PRKG1: variants seen among roughly 807,000 people sequenced by gnomAD.
PRKG1 encodes cGMP-dependent protein kinase 1.
In PRKG1, 35 loss-of-function variants were observed where a neutral mutation model predicts 88.1. That is an observed-to-expected ratio of 0.40 (90% CI 0.30 to 0.53). PRKG1 has a LOEUF of 0.53. PRKG1 is among the 20% of genes least tolerant of loss of function. The probability of loss-of-function intolerance (pLI) is 0.59; values close to 1 mark genes in which losing one functional copy is unlikely to be tolerated. For synonymous variants in PRKG1, 303 were observed against 292.5 expected (o/e 1.04, Z -0.37); for missense variants, 540 against 839.8 (o/e 0.64, Z 4.41).
chr10:51,141,394 G>C (rs1289303031), intron 1 of PRKG1, among the ~76,000 whole-genome samples: 1 of 152,002 alleles, frequency 6.6e-6, no homozygotes. Flanking sequence ...ACATTTTTAG[G>C]GGTGTTTTTC....
chr10:51,568,618 A>G (rs1029192594), intron 3 of PRKG1: 1 of 152,022 alleles, frequency 6.6e-6, no homozygotes, highest in African/African-American at 2.4e-5. Flanking sequence ...TATTTAAATA[A>G]CTTTATAGCA....
rs571039337 is a variant in PRKG1 at position 51,578,009 on chromosome 10, G to A, written c.592+110173G>A. Among the ~76,000 whole-genome samples the A allele has an allele frequency of 6.6e-5, 10 of 152,168 alleles. No individual in the cohort carries two copies. In the East Asian group the frequency reaches 1.9e-3, roughly 29 times the overall value. Reference sequence around the variant, plus strand: ...AATTAACAGATTTGTTGTTCGTTAGGATTCTCTAATCATGTTCATTTTCAG... The same window carrying A: ...AATTAACAGATTTGTTGTTCGTTAGAATTCTCTAATCATGTTCATTTTCAG... On this transcript the variant is annotated intron_variant, in intron 3 of 17. Transcript: ENST00000373980.
chr10:51,659,708 C>T (rs1424720139), intron 3 of PRKG1, among the ~76,000 whole-genome samples: 1 of 151,976 alleles, frequency 6.6e-6, no homozygotes, highest in African/African-American at 2.4e-5. Context: ...TTTGGAATGT[C>T]CTATTTATGG....
chr10:51,385,945 T>C (rs10822867), intron 2 of PRKG1, among the ~76,000 whole-genome samples: 16,144 of 152,240 alleles, frequency 0.11, 1,020 homozygotes, highest in Middle Eastern at 0.14. Flanking sequence ...TGAACTTTAA[T>C]AATCTCCAAA....
intron 5 of PRKG1, among the ~76,000 whole-genome samples, chr10:51,999,273 G>A (rs1297054997): frequency 1.3e-5 from 2 of 152,118 alleles, no homozygotes; most frequent in South Asian, 2.1e-4. Flanking sequence ...TACATTGTCC[G>A]GGACAGAACT....
chr10:51,117,621 A>G (rs549468314), intron 1 of PRKG1, among the ~76,000 whole-genome samples: 1 of 152,328 alleles, frequency 6.6e-6, no homozygotes, highest in East Asian at 1.9e-4. Context: ...TTCCACAACA[A>G]TTAGGAAGTG....
intron 2 of PRKG1, among the ~76,000 whole-genome samples, chr10:51,358,932 A>AT (rs1228085760): frequency 6.1e-5 from 5 of 82,244 alleles, no homozygotes; most frequent in Admixed American, 5.7e-4. Flanking sequence ...AACGTTATTT[A>AT]TTGGGGGGGG....
chr10:51,925,163 A>G (rs1193549834), intron 5 of PRKG1, among the ~76,000 whole-genome samples: 1 of 151,164 alleles, frequency 6.6e-6, no homozygotes, highest in African/African-American at 2.4e-5. Context: ...TGTTTTGAGT[A>G]AAAGAAATTG....
chr10:52,290,993 G>A (rs889054668), intron 17 of PRKG1, among the ~76,000 whole-genome samples: 3 of 148,386 alleles, frequency 2.0e-5, no homozygotes, highest in African/African-American at 7.5e-5. Context: ...CGTGATCTCG[G>A]CTTACTGCAA....
chr10:51,860,549 A>C (rs1334731983), intron 4 of PRKG1, among the ~76,000 whole-genome samples: 2 of 152,170 alleles, frequency 1.3e-5, no homozygotes, highest in African/African-American at 4.8e-5. Flanking sequence ...TTTGCCTAGA[A>C]CATGAAAAGT....
intron 5 of PRKG1, among the ~76,000 whole-genome samples, chr10:52,018,050 G>T (rs1257213255): frequency 6.6e-6 from 1 of 151,982 alleles, no homozygotes; most frequent in Non-Finnish European, 1.5e-5. Context: ...GTATTTTTTG[G>T]CCATCCACAG....
At chr10:51,695,445 T>A (rs1054575751) in intron 3 of PRKG1, 1 of 152,238 alleles carries the variant, frequency 6.6e-6, no homozygotes, top group Non-Finnish European at 1.5e-5. Context: ...AAGACTTTTG[T>A]ATAATGTATT....
At chr10:51,837,412 T>C (rs1260469412) in intron 4 of PRKG1, among the ~76,000 whole-genome samples, 2 of 152,210 alleles carry the variant, frequency 1.3e-5, no homozygotes, top group Non-Finnish European at 2.9e-5. Flanking sequence ...CTTTATGTTC[T>C]GAAACTGTTT....
intron 2 of PRKG1, among the ~76,000 whole-genome samples, chr10:51,342,980 C>T (rs1005315698): frequency 5.9e-5 from 9 of 152,130 alleles, no homozygotes; most frequent in Non-Finnish European, 7.4e-5. Context: ...TGTATTACCA[C>T]ATTAGACAGG....
At chr10:51,180,670 T>C (rs544779853) in intron 2 of PRKG1, among the ~76,000 whole-genome samples, 3 of 152,320 alleles carry the variant, frequency 2.0e-5, no homozygotes, top group Admixed American at 6.5e-5. Flanking sequence ...AAGATGAGCT[T>C]GCATGATTTT....
intron 9 of PRKG1, among the ~76,000 whole-genome samples, chr10:52,217,560 T>C (rs1840143788): frequency 6.6e-6 from 1 of 152,152 alleles, no homozygotes; most frequent in African/African-American, 2.4e-5. Context: ...AATTATTCAA[T>C]ATGGAATAAT....
intron 2 of PRKG1, among the ~76,000 whole-genome samples, chr10:51,352,655 A>G (rs1226774940): frequency 6.6e-6 from 1 of 152,158 alleles, no homozygotes; most frequent in Non-Finnish European, 1.5e-5. Context: ...AAATATCATT[A>G]AAATGTCTAT....
At chr10:51,791,208 G>A (rs941670108) in intron 3 of PRKG1, among the ~76,000 whole-genome samples, 2 of 152,046 alleles carry the variant, frequency 1.3e-5, no homozygotes, top group Non-Finnish European at 2.9e-5. Context: ...TATAAATAAA[G>A]AGGAAAAGTA....
intron 2 of PRKG1, among the ~76,000 whole-genome samples, chr10:51,397,583 T>C (rs1319999710): frequency 6.6e-6 from 1 of 152,238 alleles, no homozygotes; most frequent in African/African-American, 2.4e-5. Context: ...CAAGGTTTTT[T>C]CTGACCTCCT....
Sources: allele counts gnomAD v4.1 joint callset (sites outside exome capture counted in the v4.1 genomes callset), GRCh38; gene constraint gnomAD v4.1.1; transcripts MANE v1.5; gene names NCBI Gene and HGNC (gene_info 2026-07-23, HGNC 2026-07-21).